GRIK2: variants seen among roughly 807,000 people sequenced by gnomAD.
The protein encoded by GRIK2 is glutamate receptor ionotropic, kainate 2.
GRIK2 carries 32 observed loss-of-function variants against 100.3 expected under a neutral mutation model. That is an observed-to-expected ratio of 0.32 (90% CI 0.24 to 0.43). The LOEUF (loss-of-function observed/expected upper bound fraction) is 0.43, where lower values mean the gene tolerates loss of function less well. GRIK2 is among the 20% of genes least tolerant of loss of function. GRIK2 has a pLI of 1.00. For missense variants in GRIK2, 843 were observed against 1,114.9 expected (o/e 0.76, Z 3.47); for synonymous variants, 417 against 389.4 (o/e 1.07, Z -0.83).
chr6:101,980,750 TATA>T (rs1160730034), intron 14 of GRIK2, among the ~76,000 whole-genome samples: 58 of 151,956 alleles, frequency 3.8e-4, no homozygotes, highest in African/African-American at 1.2e-3. Flanking sequence ...ATGAAACAGT[TATA>T]ATGCCACGTG....
rs1222407526 is a variant in GRIK2, at chr6:101,707,600, ATGTGTG to A, written c.951+21249_951+21254del. On this transcript the variant is annotated intron_variant, in intron 7 of 16. Coordinates refer to ENST00000369134, the MANE Select transcript of GRIK2 (RefSeq NM_021956.5). Reference sequence around the variant, plus strand: ...TATGTGTGTGTGTGTGTGTGTATATATGTGTGTATATATATATATATATATATGAAT... The same window carrying A: ...TATGTGTGTGTGTGTGTGTGTATATATATATATATATATATATATATGAAT... Among the ~76,000 whole-genome samples the A allele has an allele frequency of 3.5e-3, 421 of 121,994 alleles. 12 individuals are homozygous for A. The highest frequency in any genetic ancestry group is 0.012 in the African/African-American group (370 of 30,218). The allele number at this position is 121,994 out of a possible 152,430, so 80.0% of individuals were successfully genotyped here. A position where few individuals can be genotyped will look rare whatever the true frequency, so the allele number is the denominator to read the frequency against.
intron 4 of GRIK2, among the ~76,000 whole-genome samples, chr6:101,667,278 T>G (rs1205740254): frequency 6.6e-6 from 1 of 152,132 alleles, no homozygotes; most frequent in Non-Finnish European, 1.5e-5. Context: ...TGTGAGCATT[T>G]CTGGTATGGA....
chr6:101,551,233 A>T (rs1776494040), intron 2 of GRIK2, among the ~76,000 whole-genome samples: 2 of 152,180 alleles, frequency 1.3e-5, no homozygotes, highest in South Asian at 4.1e-4. Flanking sequence ...TGACTGTTTA[A>T]GGTATAGTTC....
chr6:101,449,286 T>C (rs1271214632), intron 2 of GRIK2, among the ~76,000 whole-genome samples: 1 of 151,716 alleles, frequency 6.6e-6, no homozygotes, highest in Non-Finnish European at 1.5e-5. Flanking sequence ...TTTTTATCTC[T>C]TATTTCATAT....
At chr6:101,657,789 G>A (rs1582905647) in intron 4 of GRIK2, among the ~76,000 whole-genome samples, 2 of 151,928 alleles carry the variant, frequency 1.3e-5, no homozygotes, top group African/African-American at 4.8e-5. Context: ...AGTTAAGGGT[G>A]TAAATTTTTT....
intron 2 of GRIK2, among the ~76,000 whole-genome samples, chr6:101,588,889 C>T (rs1778514546): frequency 6.6e-6 from 1 of 151,812 alleles, no homozygotes. Flanking sequence ...GTGGAAAAGA[C>T]ATACTGAAGG....
At chr6:101,928,907 C>G (rs1790082297) in intron 14 of GRIK2, among the ~76,000 whole-genome samples, 1 of 152,058 alleles carries the variant, frequency 6.6e-6, no homozygotes, top group Non-Finnish European at 1.5e-5. Flanking sequence ...TCCCAGTAAG[C>G]TTTTCTTTTT....
intron 14 of GRIK2, among the ~76,000 whole-genome samples, chr6:101,945,108 T>C (rs942339612): frequency 6.6e-6 from 1 of 152,174 alleles, no homozygotes; most frequent in Non-Finnish European, 1.5e-5. Context: ...CTTTTAGTAC[T>C]TAGTTCAATT....
At chr6:101,571,079 T>A (rs896490962) in intron 2 of GRIK2, among the ~76,000 whole-genome samples, 3 of 152,054 alleles carry the variant, frequency 2.0e-5, no homozygotes, top group African/African-American at 7.2e-5. Flanking sequence ...GTATGTGAGA[T>A]TTAGATATTT....
intron 7 of GRIK2, among the ~76,000 whole-genome samples, chr6:101,785,672 C>T (rs1779376878): frequency 6.6e-6 from 1 of 151,916 alleles, no homozygotes; most frequent in Non-Finnish European, 1.5e-5. Context: ...TTTCATTGGT[C>T]TATGTGTCTG....
At chr6:101,623,875 G>A (rs1256225333) in intron 3 of GRIK2, among the ~76,000 whole-genome samples, 1 of 152,000 alleles carries the variant, frequency 6.6e-6, no homozygotes, top group Non-Finnish European at 1.5e-5. Context: ...AGTTATTACT[G>A]CTTGGAGGAC....
intron 7 of GRIK2, among the ~76,000 whole-genome samples, chr6:101,740,071 G>T (rs944635536): frequency 6.6e-6 from 1 of 152,198 alleles, no homozygotes; most frequent in African/African-American, 2.4e-5. Flanking sequence ...AAGGGAAAGC[G>T]ATTGCCTGAG....
rs527357801 is a variant in GRIK2, at chr6:101,858,121, A to G, written c.1318-1166A>G. ...ACTTAATTTTGTCTTCTCTTATCTTACCGAGTACCTTGCAGTTGTTTTCTT... is the reference window on the plus strand; with the variant it reads ...ACTTAATTTTGTCTTCTCTTATCTTGCCGAGTACCTTGCAGTTGTTTTCTT... On this transcript the variant is annotated intron_variant, in intron 10 of 16. Transcript: ENST00000369134. Among the ~76,000 whole-genome samples, 8 of 152,204 alleles carry G rather than the reference A, an allele frequency of 5.3e-5. No homozygotes were observed. In the South Asian group the frequency reaches 1.7e-3, roughly 32 times the overall value.
intron 9 of GRIK2, among the ~76,000 whole-genome samples, chr6:101,803,757 A>G (rs1339888835): frequency 6.6e-6 from 1 of 151,964 alleles, no homozygotes; most frequent in Non-Finnish European, 1.5e-5. Context: ...TGCTCTTCAT[A>G]TTACCATAGA....
chr6:101,803,107 A>G (rs971016697), intron 9 of GRIK2, among the ~76,000 whole-genome samples: 1 of 151,894 alleles, frequency 6.6e-6, no homozygotes, highest in Non-Finnish European at 1.5e-5. Flanking sequence ...ATCTTTTTAT[A>G]TGTTATTTAG....
At chr6:101,483,480 A>G (rs545755780) in intron 2 of GRIK2, among the ~76,000 whole-genome samples, 129 of 152,304 alleles carry the variant, frequency 8.5e-4, no homozygotes, top group African/African-American at 2.8e-3. Context: ...CAGAATGTGT[A>G]TTGTTAATTA....
chr6:101,744,350 A>G (rs1391398215), intron 7 of GRIK2, among the ~76,000 whole-genome samples: 1 of 151,382 alleles, frequency 6.6e-6, no homozygotes, highest in Non-Finnish European at 1.5e-5. Context: ...TAGCTCTCAC[A>G]TATTAGTGAG....
At chr6:101,539,984 C>T (rs1322614418) in intron 2 of GRIK2, among the ~76,000 whole-genome samples, 3 of 151,714 alleles carry the variant, frequency 2.0e-5, no homozygotes, top group Non-Finnish European at 2.9e-5. Context: ...AGTGTGCATC[C>T]ATTGATATTT....
chr6:101,620,646 C>T (rs547752477), intron 2 of GRIK2, among the ~76,000 whole-genome samples: 2 of 152,218 alleles, frequency 1.3e-5, no homozygotes, highest in East Asian at 1.9e-4. Flanking sequence ...TGTGGAATAG[C>T]TTATTCAAGA....
Sources: gnomAD v4.1 joint callset for allele counts (sites outside exome capture counted in the v4.1 genomes callset) on GRCh38, gnomAD v4.1.1 for gene constraint, MANE v1.5 for transcripts, NCBI Gene and HGNC (gene_info 2026-07-23, HGNC 2026-07-21) for gene names.